Variants in CCKBR observed in about 807,000 individuals in gnomAD.
CCKBR encodes gastrin/cholecystokinin type B receptor.
In CCKBR, 33 loss-of-function variants were observed where a neutral mutation model predicts 34.6. The observed-to-expected ratio is 0.95, with a 90% CI of 0.72 to 1.27. The LOEUF (loss-of-function observed/expected upper bound fraction) is 1.27. Among genes scored for constraint, CCKBR ranks in the 50% most tolerant of loss-of-function variants. The pLI is 0.00. For missense variants in CCKBR, 652 were observed against 617.4 expected, an observed-to-expected ratio of 1.06 and a Z score of -0.59; for synonymous variants, 269 against 267.5, an observed-to-expected ratio of 1.01 and a Z score of -0.06.
chr11:6,260,025 A>G lies in CCKBR; in HGVS notation c.97A>G (p.Ser33Gly), dbSNP rs779400615. ...RPGAPLLNSS[S>G]VGNLSCEPPR... is the part of the protein sequence containing the mutation. The stretch of plus-strand genomic sequence containing the variant: ...GGGGGCGCCTCTCCTCAACAGCAGC[A>G]GTGTGGGCAACCTCAGCTGCGAGCC... The change falls in exon 1 of 5, where the codon AGT (serine) becomes GGT (glycine). Residue 33 changes from serine (S) to glycine (G), a missense_variant. Coordinates refer to ENST00000334619, the MANE Select transcript of CCKBR (RefSeq NM_176875.4). 1 of 1,595,910 alleles carries G rather than the reference A, an allele frequency of 6.3e-7. No individual in the cohort carries two copies. Among genetic ancestry groups the G allele is most frequent in the Non-Finnish European group, 8.5e-7 (1 of 1,172,630 alleles).
rs200736965 is a variant in CCKBR at position 6,271,172 on chromosome 11, C to A, written c.973C>A (p.Leu325Met). ...CGGCTCCCGGCCCACCCAGGCCAAG[C>A]TGCTGGCTAAGAAGCGCGTGGTGCG... The part of the protein sequence containing the change: ...GSGSRPTQAK[L>M]LAKKRVVRML... Residue 325 changes from leucine (L) to methionine (M), a missense_variant, in exon 5 of 5, where the codon CTG (leucine) becomes ATG (methionine). Physicochemically the swap from Leu to Met is conservative, Grantham distance 15 (BLOSUM62 2). Coordinates refer to ENST00000334619, the MANE Select transcript of CCKBR (RefSeq NM_176875.4). The A allele has an allele frequency of 6.2e-7, 1 of 1,614,162 alleles. No individual in the cohort carries two copies. The highest frequency in any genetic ancestry group is 8.5e-7 in the Non-Finnish European group (1 of 1,180,002).
rs758354941 is a variant in CCKBR, at chr11:6,270,832, GGGCGAGGC to G, written c.811+32_811+39del. ...GGGCTGGACCACGTGAGCAAAATCT[GGGCGAGGC>G]GGAGCTTTGGAGGGCGACGGGGCCT... On this transcript the variant is annotated intron_variant, in intron 4 of 4. Transcript: ENST00000334619. The G allele has an allele frequency of 3.7e-5, 60 of 1,613,788 alleles. No homozygotes were observed. In the Middle Eastern group the frequency reaches 4.9e-4, roughly 13 times the overall value.
At chr11:6,268,037 C>A (rs565272566) in intron 1 of CCKBR, among the ~76,000 whole-genome samples, 1 of 152,220 alleles carries the variant, frequency 6.6e-6, no homozygotes, top group South Asian at 2.1e-4. Context: ...AGAGACGGGA[C>A]TTTGCTATGT....
At chr11:6,263,565 G>A (rs1374871166) in intron 1 of CCKBR, among the ~76,000 whole-genome samples, 2 of 150,966 alleles carry the variant, frequency 1.3e-5, no homozygotes, top group Non-Finnish European at 2.9e-5. Context: ...GACCTCCGCA[G>A]GCTCAAGTGA....
At chr11:6,261,264 A>G (rs1319389301) in intron 1 of CCKBR, among the ~76,000 whole-genome samples, 1 of 151,618 alleles carries the variant, frequency 6.6e-6, no homozygotes, top group Admixed American at 6.6e-5. Flanking sequence ...ACAGAAAAGC[A>G]GGGGATTGCA....
Position 6,270,195 on chromosome 11 carries a change from G to C in CCKBR, c.511G>C (p.Ala171Pro). Residue 171 changes from alanine to proline, a missense_variant, in exon 3 of 5, where the codon GCG (alanine) becomes CCG (proline). Ala to Pro is a conservative substitution (Grantham distance 27). Transcript: ENST00000334619. ...ACGAGTGTGGCAGACGCGCTCCCAC[G>C]CGGCTCGCGTGATTGTAGCCACGTG... ...QARVWQTRSH[A>P]ARVIVATWLL... 1 of 1,613,606 alleles carries C rather than the reference G, an allele frequency of 6.2e-7. No individual in the cohort carries two copies.
chr11:6,259,924 G>A lies in CCKBR; in HGVS notation c.-5G>A, dbSNP rs1011853937. On this transcript the variant is annotated 5_prime_UTR_variant, in exon 1 of 5. Transcript: ENST00000334619. Reference sequence around the variant, plus strand: ...CTGAGTAAGGCGGCGGGCTCGGCGGGGGCCATGGAGCTGCTAAAGCTGAAC... The same window carrying A: ...CTGAGTAAGGCGGCGGGCTCGGCGGAGGCCATGGAGCTGCTAAAGCTGAAC... 1.0e-5 allele frequency: 15 copies of A among 1,439,480 alleles called. No homozygotes were observed. In the African/African-American group the frequency reaches 1.7e-4, roughly 16 times the overall value. 89.2% of individuals were successfully genotyped at this position (1,439,480 alleles called of 1,614,324 possible). A position where few individuals can be genotyped will look rare whatever the true frequency, so the allele number is the denominator to read the frequency against.
intron 1 of CCKBR, among the ~76,000 whole-genome samples, chr11:6,260,558 G>A (rs982611275): frequency 3.9e-5 from 6 of 152,188 alleles, no homozygotes; most frequent in African/African-American, 1.4e-4. Flanking sequence ...CTGAAGTTGT[G>A]ATCACATCTG....
intron 1 of CCKBR, among the ~76,000 whole-genome samples, chr11:6,265,810 T>G (rs1848201126): frequency 6.6e-6 from 1 of 152,080 alleles, no homozygotes; most frequent in Non-Finnish European, 1.5e-5. Context: ...GCATCTGAAA[T>G]CATAACCTCT....
At position 6,270,944 on chromosome 11, in the gene CCKBR, G is replaced by A. The variant is rs758118124; in HGVS notation, c.812-67G>A. On this transcript the variant is annotated intron_variant, in intron 4 of 4. Coordinates refer to ENST00000334619, the MANE Select transcript of CCKBR (RefSeq NM_176875.4). ...GGAGTTGAGCTGGGAGCGGAGGTCA[G>A]GTGGGGACTGGGCTGGAGACTGGGG... 17 of 1,612,718 alleles carry A rather than the reference G, an allele frequency of 1.1e-5. No homozygotes were observed. The South Asian group carries it at 1.9e-4, about 18-fold the overall frequency.
chr11:6,261,454 A>AATAT (rs1554918943), intron 1 of CCKBR, among the ~76,000 whole-genome samples: 6 of 60,884 alleles, frequency 9.9e-5, no homozygotes, highest in African/African-American at 1.9e-4. Flanking sequence ...AAAAAAAAAA[A>AATAT]ATATATATAC....
chr11:6,261,161 A>C (rs11040820), intron 1 of CCKBR, among the ~76,000 whole-genome samples: 66 of 152,258 alleles, frequency 4.3e-4, no homozygotes, highest in Non-Finnish European at 8.5e-4. Context: ...GCCAATATTT[A>C]TTGAACCAGA....
chr11:6,269,644 G>A, intron 1 of CCKBR, 25 bp from the exon 2 acceptor site: 2 of 1,607,248 alleles, frequency 1.2e-6, no homozygotes, highest in Non-Finnish European at 8.5e-7. Context: ...ACCCCCTACT[G>A]CCACCTCTCC....
At chr11:6,265,062 C>T (rs1051137153) in intron 1 of CCKBR, among the ~76,000 whole-genome samples, 1 of 152,204 alleles carries the variant, frequency 6.6e-6, no homozygotes, top group Admixed American at 6.5e-5. Flanking sequence ...AGAATAGTTT[C>T]ACTGCCCTAA....
chr11:6,269,986 G>T, intron 2 of CCKBR, 66 bp downstream of exon 2: 1 of 1,600,950 alleles, frequency 6.2e-7, no homozygotes, highest in East Asian at 2.2e-5. Context: ...GTGGATGTAG[G>T]GGTCTTCCCC....
intron 1 of CCKBR, among the ~76,000 whole-genome samples, chr11:6,266,688 A>G (rs11040832): frequency 0.18 from 26,870 of 152,120 alleles, 2,457 homozygotes; most frequent in Middle Eastern, 0.32. Context: ...GGAAGTTTTT[A>G]TAAATAGCAT....
intron 1 of CCKBR, among the ~76,000 whole-genome samples, chr11:6,267,045 CACGTACCGTTAATGGA>C (rs964996021): frequency 7.2e-5 from 11 of 152,292 alleles, no homozygotes; most frequent in Non-Finnish European, 1.5e-4. Flanking sequence ...CTGTATAGGG[CACGTACCGTTAATGGA>C]ACTTGCAGGA....
At position 6,270,694 on chromosome 11, in the gene CCKBR, G is replaced by A; in HGVS notation, c.702G>A (p.Met234Ile). Residue 234 changes from methionine to isoleucine, a missense_variant, in exon 4 of 5, where the codon ATG becomes ATA. Physicochemically the swap from Met to Ile is conservative, Grantham distance 10. Coordinates refer to ENST00000334619, the MANE Select transcript of CCKBR (RefSeq NM_176875.4). ...TGTTCTTCATCCCGGGTGTGGTTATGGCCGTGGCCTACGGGCTTATCTCTC... is the reference window on the plus strand; with the variant it reads ...TGTTCTTCATCCCGGGTGTGGTTATAGCCGTGGCCTACGGGCTTATCTCTC... The part of the protein sequence containing the change: ...LLLFFIPGVV[M>I]AVAYGLISRE... The A allele has an allele frequency of 1.9e-6, 3 of 1,613,970 alleles. No homozygotes were observed. Among genetic ancestry groups the A allele is most frequent in the Non-Finnish European group, 2.5e-6 (3 of 1,179,840 alleles).
intron 1 of CCKBR, among the ~76,000 whole-genome samples, chr11:6,262,685 A>AG (rs1491186929): frequency 0.012 from 1,182 of 102,026 alleles, 11 homozygotes; most frequent in Admixed American, 0.019. Flanking sequence ...GTAGGCAAAG[A>AG]AAGAGAGAGA....
Sources: gnomAD v4.1 joint callset for allele counts (sites outside exome capture counted in the v4.1 genomes callset) on GRCh38, gnomAD v4.1.1 for gene constraint, MANE v1.5 for transcripts, NCBI Gene and HGNC (gene_info 2026-07-23, HGNC 2026-07-21) for gene names.